The following NOTCH1 variants were observed in gnomAD, a reference collection of about 807,000 sequenced individuals.
NOTCH1 encodes neurogenic locus notch homolog protein 1.
NOTCH1 carries 37 observed loss-of-function variants against 254.8 expected under a neutral mutation model. The observed-to-expected ratio is 0.15, with a 90% CI of 0.11 to 0.19. The LOEUF is 0.19. Among genes scored for constraint, NOTCH1 ranks in the 10% least tolerant of loss-of-function variants. NOTCH1 has a pLI of 1.00. For synonymous variants in NOTCH1, 1,731 were observed against 1,618.1 expected (o/e 1.07, Z -1.68); for missense variants, 2,972 against 3,708.6 (o/e 0.80, Z 5.16).
At chr9:136,522,390 G>A (rs1210625125) in intron 4 of NOTCH1, among the ~76,000 whole-genome samples, 1 of 152,318 alleles carries the variant, frequency 6.6e-6, no homozygotes, top group Non-Finnish European at 1.5e-5. Flanking sequence ...GGGGAGCACT[G>A]GGGACACGGG....
At position 136,495,671 on chromosome 9, in the gene NOTCH1, C is replaced by T; in HGVS notation, c.*400G>A. ...TTTTGGACTATGCTCGTTCAACTTC[C>T]CTTCTCCAACATCATTTCTTTTTGG... On this transcript the variant is annotated 3_prime_UTR_variant, in exon 34 of 34. Transcript: ENST00000651671. 1 of 409,496 alleles carries T rather than the reference C, an allele frequency of 2.4e-6. No homozygotes were observed. Among genetic ancestry groups the T allele is most frequent in the East Asian group, 3.5e-5 (1 of 28,758 alleles). The allele number at this position is 409,496 out of a possible 1,614,324, so 25.4% of individuals were successfully genotyped here.
chr9:136,538,879 C>A (rs545693068), intron 2 of NOTCH1, among the ~76,000 whole-genome samples: 2 of 152,340 alleles, frequency 1.3e-5, no homozygotes, highest in African/African-American at 4.8e-5. Flanking sequence ...CCAATCGATT[C>A]TGCAAAGCCA....
At chr9:136,505,931 CCCCCGCCA>C (rs1231391192) in intron 24 of NOTCH1, 50 bp from the exon 25 acceptor site, 2 of 1,481,872 alleles carry the variant, frequency 1.3e-6, no homozygotes, top group Non-Finnish European at 9.1e-7. Flanking sequence ...ACCCCCCGCC[CCCCCGCCA>C]CCTCACACCC....
chr9:136,534,368 G>T (rs1055277080), intron 2 of NOTCH1, among the ~76,000 whole-genome samples: 1 of 152,214 alleles, frequency 6.6e-6, no homozygotes, highest in Non-Finnish European at 1.5e-5. Flanking sequence ...GAGGCCAGGG[G>T]ACTGCGTAGA....
Position 136,510,644 on chromosome 9 carries a change from G to A in NOTCH1, c.2740+9C>T, listed in dbSNP as rs761561331. ...TCCTGGAGGAGGCCAGAGCCGCGGG[G>A]CTACTCACTGGGCCGGCAGTCGTCG... On this transcript the variant is annotated intron_variant, in intron 17 of 33. Coordinates refer to ENST00000651671, the MANE Select transcript of NOTCH1 (RefSeq NM_017617.5). 1 of 1,602,950 alleles carries A rather than the reference G, an allele frequency of 6.2e-7. No individual in the cohort carries two copies. The highest frequency in any genetic ancestry group is 8.5e-7 in the Non-Finnish European group (1 of 1,178,270).
At position 136,495,660 on chromosome 9, in the gene NOTCH1, C is replaced by A; in HGVS notation, c.*411G>T. On this transcript the variant is annotated 3_prime_UTR_variant, in exon 34 of 34. Transcript: ENST00000651671. ...CCCCAGGAGCTTTTTGGACTATGCT[C>A]GTTCAACTTCCCTTCTCCAACATCA... 2.4e-6 allele frequency: 1 copy of A among 408,810 alleles called. No individual in the cohort carries two copies. The highest frequency in any genetic ancestry group is 1.1e-4 in the South Asian group (1 of 9,462). The allele number at this position is 408,810 out of a possible 1,614,324, so 25.3% of individuals were successfully genotyped here.
chr9:136,527,957 G>A (rs1036361540), intron 2 of NOTCH1, among the ~76,000 whole-genome samples: 5 of 152,142 alleles, frequency 3.3e-5, no homozygotes, highest in Non-Finnish European at 5.9e-5. Flanking sequence ...CCCTGCCAGG[G>A]CCGCTCCATG....
At chr9:136,527,377 T>C (rs1040444112) in intron 2 of NOTCH1, among the ~76,000 whole-genome samples, 29 of 152,244 alleles carry the variant, frequency 1.9e-4, no homozygotes, top group Non-Finnish European at 3.7e-4. Flanking sequence ...CTGTCTTCAA[T>C]GCTGTCCCGG....
intron 22 of NOTCH1, 41 bp from the exon 23 acceptor site, chr9:136,507,014 C>T (rs1289052679): frequency 3.8e-6 from 6 of 1,586,508 alleles, no homozygotes; most frequent in Non-Finnish European, 5.1e-6. Flanking sequence ...GCCCGCCACA[C>T]CCCGGCCCTG....
chr9:136,520,964 C>T (rs1016789830), intron 4 of NOTCH1, among the ~76,000 whole-genome samples: 4 of 152,302 alleles, frequency 2.6e-5, no homozygotes, highest in South Asian at 2.1e-4. Flanking sequence ...AGCGACCCCA[C>T]GAGGAGACAG....
chr9:136,499,360 A>G (rs1842962860), intron 31 of NOTCH1, 101 bp from the exon 32 acceptor site: 18 of 1,499,500 alleles, frequency 1.2e-5, no homozygotes, highest in Non-Finnish European at 1.6e-5. Flanking sequence ...TGTCTTCCGG[A>G]CACAGACGAG....
chr9:136,510,863 C>G (rs966417354), intron 16 of NOTCH1, 58 bp from the exon 17 acceptor site: 1 of 1,596,218 alleles, frequency 6.3e-7, no homozygotes, highest in African/African-American at 1.3e-5. Flanking sequence ...CCAGGCCCTT[C>G]CCAGGCTGGC....
rs2133367477 is a variant in NOTCH1, at chr9:136,517,343, G to A, written c.1484C>T (p.Ala495Val). 1 of 1,609,178 alleles carries A rather than the reference G, an allele frequency of 6.2e-7. No homozygotes were observed. The highest frequency in any genetic ancestry group is 8.5e-7 in the Non-Finnish European group (1 of 1,178,408). Residue 495 changes from alanine to valine, a missense_variant, in exon 9 of 34, where the codon GCC (alanine) becomes GTC (valine). Physicochemically the swap from Ala to Val is moderately conservative, Grantham distance 64. Coordinates refer to ENST00000651671, the MANE Select transcript of NOTCH1 (RefSeq NM_017617.5). ...VHCEVNTDEC[A>V]SSPCLHNGRC... The stretch of plus-strand genomic sequence containing the variant: ...GCCATTGTGCAGGCAGGGGCTGCTG[G>A]CACACTCGTCTGTGTTGACCTCGCA...
chr9:136,513,576 A>G lies in NOTCH1; in HGVS notation c.2208-39T>C, dbSNP rs1843217095. 1 of 1,611,240 alleles carries G rather than the reference A, an allele frequency of 6.2e-7. No individual in the cohort carries two copies. The highest frequency in any genetic ancestry group is 8.5e-7 in the Non-Finnish European group (1 of 1,179,412). On this transcript the variant is annotated intron_variant, in intron 13 of 33. Transcript: ENST00000651671. The surrounding 1 kb of genome is among the most constrained non-coding windows in gnomAD (Gnocchi z 4.7). ...CACACTGCAGGTCGAGGGAGGCCCG[A>G]GCAGCACGGCCGGGGCCTGGGCACT...
chr9:136,522,995 G>A lies in NOTCH1; in HGVS notation c.597C>T (p.Val199=), dbSNP rs747342494. The A allele has an allele frequency of 1.2e-5, 18 of 1,560,332 alleles. No individual in the cohort carries two copies. The highest frequency in any genetic ancestry group is 7.2e-5 in the East Asian group (3 of 41,674). Residue 199 remains valine, a synonymous_variant, in exon 4 of 34, where the codon GTC becomes GTT. Coordinates refer to ENST00000651671, the MANE Select transcript of NOTCH1 (RefSeq NM_017617.5). ...CGCGGCAGACGCAGCGGTAGGAGCC[G>A]ACCTCGTTGTGGCAGGTGCCTCCGT... is the stretch of plus-strand genomic sequence containing the variant. ...CRHGGTCHNE[V]GSYRCVCRAT...
At chr9:136,526,626 G>A (rs1354446128) in intron 2 of NOTCH1, among the ~76,000 whole-genome samples, 1 of 152,214 alleles carries the variant, frequency 6.6e-6, no homozygotes, top group Admixed American at 6.5e-5. Context: ...GAGGTCACAG[G>A]ACATTGGCTG....
intron 15 of NOTCH1, among the ~76,000 whole-genome samples, chr9:136,512,044 C>T (rs72775784): frequency 0.051 from 7,829 of 152,316 alleles, 272 homozygotes; most frequent in Middle Eastern, 0.095. Flanking sequence ...TCCACGGTGA[C>T]CCGGGCAGGC....
At chr9:136,528,772 C>G (rs1340603653) in intron 2 of NOTCH1, among the ~76,000 whole-genome samples, 1 of 152,118 alleles carries the variant, frequency 6.6e-6, no homozygotes, top group African/African-American at 2.4e-5. Context: ...TCCCGGCCCA[C>G]TGTCCTGCCA....
intron 2 of NOTCH1, among the ~76,000 whole-genome samples, chr9:136,526,817 C>T (rs576531853): frequency 3.5e-4 from 53 of 152,346 alleles, no homozygotes; most frequent in African/African-American, 1.3e-3. Context: ...CGTCGGTGCT[C>T]GGACAAAGGG....
Sources: allele counts gnomAD v4.1 joint callset (sites outside exome capture counted in the v4.1 genomes callset), GRCh38; gene constraint gnomAD v4.1.1; non-coding constraint Gnocchi (gnomAD v3.1); transcripts MANE v1.5; gene names NCBI Gene and HGNC (gene_info 2026-07-23, HGNC 2026-07-21).